CNTN5: variants seen among roughly 807,000 people sequenced by gnomAD.
The protein encoded by CNTN5 is contactin 5, also known as contactin-5.
In CNTN5, 77 loss-of-function variants were observed where a neutral mutation model predicts 129.1. That is an observed-to-expected ratio of 0.60 (90% CI 0.50 to 0.72). The LOEUF is 0.72. CNTN5 is among the 30% of genes least tolerant of loss of function. CNTN5 has a pLI of 0.00. For synonymous variants in CNTN5, 509 were observed against 465.6 expected, an observed-to-expected ratio of 1.09 and a Z score of -1.20; for missense variants, 1,478 against 1,328.8, an observed-to-expected ratio of 1.11 and a Z score of -1.75.
intron 3 of CNTN5, among the ~76,000 whole-genome samples, chr11:99,729,231 G>T (rs1943448219): frequency 1.3e-5 from 2 of 152,088 alleles, no homozygotes; most frequent in Non-Finnish European, 2.9e-5. Flanking sequence ...TGGGTGATGG[G>T]GGTGCCTTCA....
intron 3 of CNTN5, among the ~76,000 whole-genome samples, chr11:99,666,203 G>T (rs1952786423): frequency 6.6e-6 from 1 of 152,162 alleles, no homozygotes; most frequent in African/African-American, 2.4e-5. Flanking sequence ...CCTGACCTCA[G>T]GTGATCCGCC....
chr11:99,286,587 G>A (rs1310856482), intron 1 of CNTN5, among the ~76,000 whole-genome samples: 2 of 152,122 alleles, frequency 1.3e-5, no homozygotes, highest in Admixed American at 1.3e-4. Flanking sequence ...CATCAATGAT[G>A]TCTAAATCCT....
chr11:99,539,057 G>A (rs1241709026), intron 2 of CNTN5, among the ~76,000 whole-genome samples: 2 of 151,940 alleles, frequency 1.3e-5, no homozygotes, highest in East Asian at 1.9e-4. Flanking sequence ...CCAGCCACAC[G>A]ATACCTACAA....
intron 8 of CNTN5, among the ~76,000 whole-genome samples, chr11:99,971,360 C>T (rs188803398): frequency 9.2e-5 from 14 of 151,952 alleles, no homozygotes; most frequent in African/African-American, 3.1e-4. Flanking sequence ...CTGGCCAACA[C>T]GGTGAAACCC....
intron 16 of CNTN5, among the ~76,000 whole-genome samples, chr11:100,235,275 G>C (rs963804275): frequency 3.3e-5 from 5 of 152,114 alleles, no homozygotes; most frequent in African/African-American, 1.2e-4. Flanking sequence ...GACTGCTTTG[G>C]CGTGCCTTTT....
intron 13 of CNTN5, among the ~76,000 whole-genome samples, chr11:100,175,117 G>A (rs1947924086): frequency 6.6e-6 from 1 of 152,086 alleles, no homozygotes. Flanking sequence ...AGCCTGGATT[G>A]TAGGTCAGAG....
intron 1 of CNTN5, among the ~76,000 whole-genome samples, chr11:99,207,799 A>G (rs1859558350): frequency 6.6e-6 from 1 of 152,230 alleles, no homozygotes; most frequent in Non-Finnish European, 1.5e-5. Flanking sequence ...GTGGTCTACC[A>G]TATGGCTGTC....
chr11:99,063,808 A>T (rs1864986754), intron 1 of CNTN5, among the ~76,000 whole-genome samples: 1 of 152,136 alleles, frequency 6.6e-6, no homozygotes, highest in Non-Finnish European at 1.5e-5. Flanking sequence ...TTTGCTGCTT[A>T]ATTTCATATC....
intron 1 of CNTN5, among the ~76,000 whole-genome samples, chr11:99,214,450 A>G (rs1206857574): frequency 6.8e-6 from 1 of 148,096 alleles, no homozygotes; most frequent in Admixed American, 6.7e-5. Flanking sequence ...TGGAGTTTTT[A>G]CCTAGACTAG....
At chr11:99,918,032 A>G (rs1469958922) in intron 7 of CNTN5, among the ~76,000 whole-genome samples, 1 of 152,086 alleles carries the variant, frequency 6.6e-6, no homozygotes. Context: ...TATTTTCTGA[A>G]CAGCATCCAC....
At chr11:100,285,436 G>A (rs1591475370) in intron 18 of CNTN5, among the ~76,000 whole-genome samples, 1 of 152,236 alleles carries the variant, frequency 6.6e-6, no homozygotes, top group Admixed American at 6.5e-5. Flanking sequence ...ACACTCCACA[G>A]AGCATGCATG....
chr11:99,031,308 T>A (rs1322412007), intron 1 of CNTN5, among the ~76,000 whole-genome samples: 3 of 152,156 alleles, frequency 2.0e-5, no homozygotes, highest in Middle Eastern at 3.2e-3. Context: ...TTTTATTATA[T>A]GTGTGGTAAA....
intron 1 of CNTN5, among the ~76,000 whole-genome samples, chr11:99,174,870 TG>T (rs1208325401): frequency 6.6e-6 from 1 of 152,146 alleles, no homozygotes; most frequent in Non-Finnish European, 1.5e-5. Flanking sequence ...ATTGTATCTG[TG>T]GCTATGTAAA....
intron 6 of CNTN5, among the ~76,000 whole-genome samples, chr11:99,869,083 T>C (rs1948432831): frequency 6.6e-6 from 1 of 152,192 alleles, no homozygotes; most frequent in African/African-American, 2.4e-5. Flanking sequence ...CAAAACTTAA[T>C]CTTTTTAAAA....
chr11:99,595,724 A>G (rs1476371051), intron 3 of CNTN5, among the ~76,000 whole-genome samples: 2 of 151,516 alleles, frequency 1.3e-5, no homozygotes, highest in Non-Finnish European at 2.9e-5. Context: ...CTCAATTTTT[A>G]TAATGCTGAT....
At chr11:100,066,616 TC>T (rs1943705394) in intron 10 of CNTN5, among the ~76,000 whole-genome samples, 1 of 152,104 alleles carries the variant, frequency 6.6e-6, no homozygotes, top group Non-Finnish European at 1.5e-5. Flanking sequence ...GTGCCATATG[TC>T]TCTTCAGTTT....
intron 13 of CNTN5, among the ~76,000 whole-genome samples, chr11:100,182,638 AC>A: frequency 6.6e-6 from 1 of 152,112 alleles, no homozygotes; most frequent in Non-Finnish European, 1.5e-5. Context: ...CATACCACAA[AC>A]AAAAAGTGAT....
chr11:99,938,272 G>C (rs1479515983), intron 7 of CNTN5, among the ~76,000 whole-genome samples: 3 of 151,836 alleles, frequency 2.0e-5, no homozygotes, highest in Non-Finnish European at 4.4e-5. Flanking sequence ...GTCTTGTACA[G>C]GAAACAAAAT....
chr11:99,983,290 G>A (rs1333013893), intron 8 of CNTN5, among the ~76,000 whole-genome samples: 1 of 152,120 alleles, frequency 6.6e-6, no homozygotes, highest in Non-Finnish European at 1.5e-5. Context: ...ACAGGGAAAG[G>A]CAAAAATATG....
Sources: allele counts gnomAD v4.1 joint callset (sites outside exome capture counted in the v4.1 genomes callset), GRCh38; gene constraint gnomAD v4.1.1; transcripts MANE v1.5; gene names NCBI Gene and HGNC (gene_info 2026-07-23, HGNC 2026-07-21).